The following ZFPM2 variants were observed in gnomAD, a reference collection of about 807,000 sequenced individuals.
ZFPM2 encodes zinc finger protein ZFPM2.
A neutral mutation model predicts 98.6 loss-of-function variants in ZFPM2; 20 were observed. The ratio of observed to expected loss-of-function variants is 0.20; its 90% CI spans 0.14 to 0.29. The LOEUF is 0.29. Ranked by LOEUF, ZFPM2 falls within the 10% of genes least tolerant of loss-of-function variation. ZFPM2 has a pLI of 1.00. For missense variants in ZFPM2, 1,310 were observed against 1,388.6 expected (o/e 0.94, Z 0.90); for synonymous variants, 518 against 502.7 (o/e 1.03, Z -0.41).
At position 105,335,140 on chromosome 8, in the gene ZFPM2, C is replaced by T. The variant is rs190738767; in HGVS notation, c.40+16159C>T. Among the ~76,000 whole-genome samples the T allele has an allele frequency of 2.8e-3, 425 of 151,730 alleles. 2 individuals carry two copies. The highest frequency in any genetic ancestry group is 4.4e-3 in the Admixed American group (67 of 15,182). ...ATAAGGTTAGGAAACAAATAACACA[C>T]GGAGTTGAGGGAAATTATAATCCGA... On this transcript the variant is annotated intron_variant, in intron 1 of 7. Transcript: ENST00000407775.
chr8:105,555,286 T>C (rs1814960369), intron 3 of ZFPM2, among the ~76,000 whole-genome samples: 1 of 152,152 alleles, frequency 6.6e-6, no homozygotes, highest in African/African-American at 2.4e-5. Context: ...TTTTGAAGAA[T>C]AACTGCAAAA....
chr8:105,449,614 T>C (rs905684666), intron 3 of ZFPM2, among the ~76,000 whole-genome samples: 1 of 152,014 alleles, frequency 6.6e-6, no homozygotes, highest in African/African-American at 2.4e-5. Flanking sequence ...GTAAATTATT[T>C]TGGGGTAATG....
chr8:105,462,678 G>A (rs563244398), intron 3 of ZFPM2, among the ~76,000 whole-genome samples: 1 of 152,190 alleles, frequency 6.6e-6, no homozygotes, highest in South Asian at 2.1e-4. Flanking sequence ...GACACTAAGT[G>A]TTGTGTAAGC....
At chr8:105,421,232 A>C (rs1479532592) in intron 2 of ZFPM2, among the ~76,000 whole-genome samples, 1 of 152,124 alleles carries the variant, frequency 6.6e-6, no homozygotes, top group African/African-American at 2.4e-5. Flanking sequence ...GATTCAGTAG[A>C]TATTATTATT....
intron 5 of ZFPM2, among the ~76,000 whole-genome samples, chr8:105,663,185 A>G (rs1586182000): frequency 6.6e-6 from 1 of 152,226 alleles, no homozygotes; most frequent in Non-Finnish European, 1.5e-5. Context: ...TGAAATGGAT[A>G]ATCATTCAGA....
intron 3 of ZFPM2, among the ~76,000 whole-genome samples, chr8:105,525,351 C>T (rs73304185): frequency 1.2e-3 from 182 of 152,166 alleles, no homozygotes; most frequent in Middle Eastern, 3.4e-3. Flanking sequence ...CAAGTTTCTT[C>T]GAAAACAAAT....
chr8:105,445,559 G>C (rs1056470955), intron 3 of ZFPM2, among the ~76,000 whole-genome samples: 27 of 151,506 alleles, frequency 1.8e-4, no homozygotes, highest in African/African-American at 5.8e-4. Context: ...TTTTGTCATG[G>C]AGGTTACCTT....
chr8:105,513,327 A>G (rs982307529), intron 3 of ZFPM2, among the ~76,000 whole-genome samples: 1 of 152,214 alleles, frequency 6.6e-6, no homozygotes, highest in Non-Finnish European at 1.5e-5. Flanking sequence ...ACCTGCACTC[A>G]TGAATCATTT....
At chr8:105,340,774 A>G (rs1423257342) in intron 1 of ZFPM2, among the ~76,000 whole-genome samples, 1 of 151,964 alleles carries the variant, frequency 6.6e-6, no homozygotes, top group Non-Finnish European at 1.5e-5. Flanking sequence ...CAGAACGTAC[A>G]TTCTAGAGGT....
chr8:105,500,209 A>G (rs1415102690), intron 3 of ZFPM2, among the ~76,000 whole-genome samples: 8 of 152,196 alleles, frequency 5.3e-5, no homozygotes, highest in Non-Finnish European at 1.0e-4. Context: ...TTTGAACCCA[A>G]TACATAGCAT....
intron 1 of ZFPM2, among the ~76,000 whole-genome samples, chr8:105,402,854 T>C (rs1435118541): frequency 6.6e-6 from 1 of 152,102 alleles, no homozygotes; most frequent in Non-Finnish European, 1.5e-5. Flanking sequence ...ATAGAAATTA[T>C]ACTTTATGAT....
At chr8:105,508,326 G>A (rs1356955370) in intron 3 of ZFPM2, among the ~76,000 whole-genome samples, 1 of 152,052 alleles carries the variant, frequency 6.6e-6, no homozygotes, top group Admixed American at 6.6e-5. Context: ...AGTCCCGCCT[G>A]ATTAAGAGAA....
At chr8:105,640,819 TATA>T (rs1324287982) in intron 5 of ZFPM2, among the ~76,000 whole-genome samples, 1 of 152,044 alleles carries the variant, frequency 6.6e-6, no homozygotes, top group African/African-American at 2.4e-5. Flanking sequence ...ACCTAGAGGG[TATA>T]ATGTTGTATA....
chr8:105,588,232 T>C (rs1028517367), intron 4 of ZFPM2, among the ~76,000 whole-genome samples: 1 of 152,176 alleles, frequency 6.6e-6, no homozygotes, highest in Non-Finnish European at 1.5e-5. Context: ...TCTGGCTACA[T>C]ATATCGGGCA....
intron 5 of ZFPM2, among the ~76,000 whole-genome samples, chr8:105,721,098 G>C (rs1250905477): frequency 6.6e-6 from 1 of 151,696 alleles, no homozygotes; most frequent in African/African-American, 2.4e-5. Context: ...AGACATAGGG[G>C]ACTGGTTCCA....
At chr8:105,356,695 T>C (rs1463440942) in intron 1 of ZFPM2, among the ~76,000 whole-genome samples, 1 of 152,206 alleles carries the variant, frequency 6.6e-6, no homozygotes, top group Non-Finnish European at 1.5e-5. Flanking sequence ...CTGGTCCATA[T>C]TTAGTTTGTT....
chr8:105,754,190 A>G (rs1230924137), intron 5 of ZFPM2, among the ~76,000 whole-genome samples: 1 of 152,146 alleles, frequency 6.6e-6, no homozygotes, highest in Non-Finnish European at 1.5e-5. Flanking sequence ...TCCAAAAGCT[A>G]GACTGGAAAT....
intron 5 of ZFPM2, among the ~76,000 whole-genome samples, chr8:105,691,307 G>A (rs1248956986): frequency 8.7e-6 from 1 of 114,742 alleles, no homozygotes; most frequent in Non-Finnish European, 1.8e-5. Flanking sequence ...GGACTGCAGT[G>A]GCGGGATCTC....
chr8:105,443,083 T>C (rs969836343), intron 2 of ZFPM2, among the ~76,000 whole-genome samples: 2 of 151,930 alleles, frequency 1.3e-5, no homozygotes, highest in African/African-American at 2.4e-5. Flanking sequence ...CCGAGGCAGG[T>C]GGATCACTCG....
Sources: gnomAD v4.1 joint callset for allele counts (sites outside exome capture counted in the v4.1 genomes callset) on GRCh38, gnomAD v4.1.1 for gene constraint, MANE v1.5 for transcripts, NCBI Gene and HGNC (gene_info 2026-07-23, HGNC 2026-07-21) for gene names.